UBE2E2: variants seen among roughly 807,000 people sequenced by gnomAD.
UBE2E2 encodes ubiquitin conjugating enzyme E2 E2, also known as ubiquitin-conjugating enzyme E2 E2.
In UBE2E2, 6 loss-of-function variants were observed where a neutral mutation model predicts 24.7. The ratio of observed to expected loss-of-function variants is 0.24; its 90% CI spans 0.13 to 0.48. The LOEUF (loss-of-function observed/expected upper bound fraction) is 0.48. Among genes scored for constraint, UBE2E2 ranks in the 20% least tolerant of loss-of-function variants. The probability of loss-of-function intolerance (pLI) is 0.99; values close to 1 mark genes in which losing one functional copy is unlikely to be tolerated. For synonymous variants in UBE2E2, 104 were observed against 83.6 expected, an observed-to-expected ratio of 1.24 and a Z score of -1.33; for missense variants, 169 against 245.0, an observed-to-expected ratio of 0.69 and a Z score of 2.07.
chr3:23,587,114 T>G (rs1696644010), intron 5 of UBE2E2, among the ~76,000 whole-genome samples: 1 of 152,188 alleles, frequency 6.6e-6, no homozygotes, highest in African/African-American at 2.4e-5. Flanking sequence ...GAAAAAAAAT[T>G]TTTTAATCAA....
At chr3:23,570,894 A>C (rs1696203085) in intron 5 of UBE2E2, among the ~76,000 whole-genome samples, 1 of 152,226 alleles carries the variant, frequency 6.6e-6, no homozygotes, top group Non-Finnish European at 1.5e-5. Context: ...TTTTAAGTTT[A>C]ATCTGCATTA....
intron 3 of UBE2E2, among the ~76,000 whole-genome samples, chr3:23,276,998 T>C (rs1164424063): frequency 6.6e-6 from 1 of 152,152 alleles, no homozygotes; most frequent in African/African-American, 2.4e-5. Context: ...GCAGTTTCAG[T>C]TTTCTAGGAA....
At chr3:23,500,380 A>G (rs568500372) in intron 4 of UBE2E2, among the ~76,000 whole-genome samples, 1 of 152,360 alleles carries the variant, frequency 6.6e-6, no homozygotes, top group South Asian at 2.1e-4. Flanking sequence ...AAATCAGAAC[A>G]TGAAAGAATC....
In UBE2E2 at chr3:23,244,532, T is replaced by C. The variant is rs567207476; in HGVS notation, c.227+27220T>C. Among the ~76,000 whole-genome samples the C allele has an allele frequency of 2.0e-5, 3 of 152,308 alleles. No homozygotes were observed. In the South Asian group the frequency reaches 6.2e-4, roughly 32 times the overall value. On this transcript the variant is annotated intron_variant, in intron 3 of 5. Transcript: ENST00000396703. ...AACATAATTAACTATACAAGGTTTG[T>C]TTATTATAGCTGAGTACTAGAACAA... is the stretch of plus-strand genomic sequence containing the variant.
At chr3:23,399,479 G>A (rs1697164615) in intron 3 of UBE2E2, among the ~76,000 whole-genome samples, 1 of 152,136 alleles carries the variant, frequency 6.6e-6, no homozygotes, top group Admixed American at 6.5e-5. Flanking sequence ...GTTTCATCAT[G>A]CTACTCAAAA....
At chr3:23,572,855 A>C (rs1402489401) in intron 5 of UBE2E2, among the ~76,000 whole-genome samples, 1 of 152,156 alleles carries the variant, frequency 6.6e-6, no homozygotes, top group Non-Finnish European at 1.5e-5. Context: ...TACAAGTGCA[A>C]GTGTCTTTTT....
At chr3:23,437,697 A>G (rs1425164450) in intron 3 of UBE2E2, among the ~76,000 whole-genome samples, 1 of 152,178 alleles carries the variant, frequency 6.6e-6, no homozygotes, top group East Asian at 1.9e-4. Flanking sequence ...AGTGTCTGGC[A>G]TGTTTCCGTC....
chr3:23,266,493 G>A (rs1214650973), intron 3 of UBE2E2, among the ~76,000 whole-genome samples: 1 of 152,210 alleles, frequency 6.6e-6, no homozygotes, highest in Admixed American at 6.5e-5. Context: ...GGCTTGTAGA[G>A]TTTCTGCCGA....
At chr3:23,465,070 GA>G (rs1342226235) in intron 3 of UBE2E2, among the ~76,000 whole-genome samples, 6 of 152,162 alleles carry the variant, frequency 3.9e-5, no homozygotes, top group Admixed American at 3.9e-4. Context: ...TCATGTAGCT[GA>G]TAAGCTAGCA....
At chr3:23,215,250 C>T (rs1461233064) in intron 2 of UBE2E2, among the ~76,000 whole-genome samples, 1 of 152,064 alleles carries the variant, frequency 6.6e-6, no homozygotes, top group African/African-American at 2.4e-5. Context: ...TTACTTTGTA[C>T]AGTGCAACTA....
chr3:23,569,428 A>T (rs1696170809), intron 5 of UBE2E2, among the ~76,000 whole-genome samples: 1 of 152,236 alleles, frequency 6.6e-6, no homozygotes, highest in Admixed American at 6.5e-5. Context: ...ATCTGTGAAT[A>T]TACTAAAAAC....
chr3:23,265,589 T>C (rs1202159109), intron 3 of UBE2E2, among the ~76,000 whole-genome samples: 1 of 152,184 alleles, frequency 6.6e-6, no homozygotes, highest in Non-Finnish European at 1.5e-5. Context: ...CTCCAGTGCA[T>C]AGGCTCACTG....
At chr3:23,531,784 G>A (rs904341062) in intron 4 of UBE2E2, among the ~76,000 whole-genome samples, 33 of 152,024 alleles carry the variant, frequency 2.2e-4, no homozygotes, top group African/African-American at 7.7e-4. Context: ...GTTATAGGCC[G>A]GGTATGTTGG....
rs142702282 is a variant in UBE2E2 at position 23,585,107 on chromosome 3, C to T, written c.509-4627C>T. Among the ~76,000 whole-genome samples, 366 of 152,006 alleles carry T rather than the reference C, an allele frequency of 2.4e-3. 3 individuals carry two copies. The highest frequency in any genetic ancestry group is 8.4e-3 in the African/African-American group (348 of 41,466). On this transcript the variant is annotated intron_variant, in intron 5 of 5. Transcript: ENST00000396703. Reference sequence around the variant, plus strand: ...ATGCCATGATGCTGGCTTGGAGCAGCGGCTCATCCTGTAATCGCACCACTT... The same window carrying T: ...ATGCCATGATGCTGGCTTGGAGCAGTGGCTCATCCTGTAATCGCACCACTT...
intron 3 of UBE2E2, among the ~76,000 whole-genome samples, chr3:23,332,707 G>A (rs1021889292): frequency 6.6e-6 from 1 of 150,746 alleles, no homozygotes; most frequent in Admixed American, 6.6e-5. Context: ...GTGTGTGTGT[G>A]TGTGTGTGTG....
At chr3:23,325,947 AC>A (rs1329945997) in intron 3 of UBE2E2, among the ~76,000 whole-genome samples, 1 of 152,230 alleles carries the variant, frequency 6.6e-6, no homozygotes, top group Non-Finnish European at 1.5e-5. Context: ...AATATTTTTA[AC>A]CTGATACTTT....
At chr3:23,558,638 C>G (rs1442046044) in intron 5 of UBE2E2, among the ~76,000 whole-genome samples, 1 of 152,166 alleles carries the variant, frequency 6.6e-6, no homozygotes, top group Non-Finnish European at 1.5e-5. Context: ...GATTGGGAGG[C>G]ATGACATATA....
At chr3:23,357,624 A>G (rs1007013846) in intron 3 of UBE2E2, among the ~76,000 whole-genome samples, 2 of 152,102 alleles carry the variant, frequency 1.3e-5, no homozygotes, top group African/African-American at 2.4e-5. Context: ...TTAATTCTCT[A>G]TGGGAGCTCC....
chr3:23,341,943 C>T (rs551626447), intron 3 of UBE2E2, among the ~76,000 whole-genome samples: 4 of 152,260 alleles, frequency 2.6e-5, no homozygotes, highest in African/African-American at 9.6e-5. Context: ...ATTATGTATA[C>T]ATAGTTCCAT....
Sources: gnomAD v4.1 joint callset for allele counts (sites outside exome capture counted in the v4.1 genomes callset) on GRCh38, gnomAD v4.1.1 for gene constraint, MANE v1.5 for transcripts, NCBI Gene and HGNC (gene_info 2026-07-23, HGNC 2026-07-21) for gene names.